WDR49: variants seen among roughly 807,000 people sequenced by gnomAD.
The protein encoded by WDR49 is cilia- and flagella-associated protein 337.
WDR49 carries 107 observed loss-of-function variants against 119.5 expected under a neutral mutation model. The observed-to-expected ratio is 0.90, with a 90% confidence interval of 0.77 to 1.05. WDR49 has a LOEUF of 1.05. Ranked by LOEUF, WDR49 falls within the 50% of genes least tolerant of loss-of-function variation. The probability of loss-of-function intolerance (pLI) is 0.00; values close to 1 mark genes in which losing one functional copy is unlikely to be tolerated. For missense variants in WDR49, 1,240 were observed against 1,220.5 expected (o/e 1.02, Z -0.24); for synonymous variants, 425 against 418.8 (o/e 1.01, Z -0.18).
Position 167,605,889 on chromosome 3 carries a change from G to C in WDR49, c.959-1421C>G, listed in dbSNP as rs77970413. Among the ~76,000 whole-genome samples the C allele has an allele frequency of 8.4e-3, 1,286 of 152,302 alleles. 90 individuals are homozygous for C. In the East Asian group the frequency reaches 0.17, roughly 21 times the overall value. On this transcript the variant is annotated intron_variant, in intron 5 of 18. Coordinates refer to ENST00000682715, the MANE Select transcript of WDR49 (RefSeq NM_001366157.1). ...CTGAAGTTCTGAGATTAACTCTTAA[G>C]TTTGGTGTCATGACATGCAATATTA...
intron 18 of WDR49, among the ~76,000 whole-genome samples, chr3:167,495,704 T>G (rs1751326979): frequency 6.6e-6 from 1 of 151,532 alleles, no homozygotes. Flanking sequence ...GAACTCCAAG[T>G]AGCATAAATA....
intron 11 of WDR49, among the ~76,000 whole-genome samples, chr3:167,534,689 T>C (rs1752963441): frequency 6.6e-6 from 1 of 152,156 alleles, no homozygotes; most frequent in African/African-American, 2.4e-5. Context: ...GCTGTCAAAA[T>C]ATGGACTTGA....
In WDR49 at chr3:167,554,751, T is replaced by C; in HGVS notation, c.1722A>G (p.Gln574=). ...GYCHHTLNVG[Q]DGAVDISQIL... is the part of the protein sequence containing the mutation. ...TTTGTGAAATATCCACAGCTCCATC[T>C]TGCCCAACATTTAGTGTATGGTGAC... The change falls in exon 10 of 19, where the codon CAA becomes CAG. Residue 574 remains glutamine, a synonymous_variant. Coordinates refer to ENST00000682715, the MANE Select transcript of WDR49 (RefSeq NM_001366157.1). The C allele has an allele frequency of 6.2e-7, 1 of 1,613,468 alleles. No homozygotes were observed. Among genetic ancestry groups the C allele is most frequent in the Non-Finnish European group, 8.5e-7 (1 of 1,179,732 alleles).
chr3:167,578,197 A>G (rs2108285819), intron 7 of WDR49, among the ~76,000 whole-genome samples: 1 of 152,082 alleles, frequency 6.6e-6, no homozygotes, highest in South Asian at 2.1e-4. Context: ...TGGCCTCTTG[A>G]TTCTCTCAAT....
intron 18 of WDR49, among the ~76,000 whole-genome samples, chr3:167,491,066 G>T (rs547770191): frequency 3.4e-4 from 52 of 152,050 alleles, no homozygotes; most frequent in African/African-American, 1.2e-3. Context: ...CCTTGCAGCT[G>T]TCCCTTTCTC....
At chr3:167,605,675 T>C (rs1247094398) in intron 5 of WDR49, among the ~76,000 whole-genome samples, 1 of 152,234 alleles carries the variant, frequency 6.6e-6, no homozygotes, top group African/African-American at 2.4e-5. Flanking sequence ...GAGACATTTG[T>C]TGAACGTTGA....
chr3:167,618,541 T>A (rs1716710267), intron 5 of WDR49, among the ~76,000 whole-genome samples: 1 of 152,182 alleles, frequency 6.6e-6, no homozygotes. Flanking sequence ...TTCAAAGAAC[T>A]GAGAAATATA....
intron 16 of WDR49, among the ~76,000 whole-genome samples, chr3:167,513,736 A>T (rs1752079735): frequency 6.6e-6 from 1 of 152,232 alleles, no homozygotes; most frequent in South Asian, 2.1e-4. Context: ...CCAGACACAC[A>T]TAGGCTCAAA....
At chr3:167,594,358 C>T (rs6801145) in intron 7 of WDR49, among the ~76,000 whole-genome samples, 53,204 of 151,976 alleles carry the variant, frequency 0.35, 11,068 homozygotes, top group African/African-American at 0.59. Flanking sequence ...TACTGGGAAC[C>T]GGAGCAAAGG....
intron 5 of WDR49, among the ~76,000 whole-genome samples, chr3:167,608,937 G>A (rs1011996779): frequency 6.6e-6 from 1 of 152,060 alleles, no homozygotes; most frequent in African/African-American, 2.4e-5. Flanking sequence ...AGACATTAAG[G>A]GACCCTGCCA....
At chr3:167,560,345 G>T in intron 8 of WDR49, 117 bp from the exon 9 acceptor site, 1 of 1,053,296 alleles carries the variant, frequency 9.5e-7, no homozygotes, top group Non-Finnish European at 1.3e-6. Context: ...AACAGTCAGA[G>T]ACATTTTTGT....
At chr3:167,572,332 TAA>T (rs1713979154) in intron 8 of WDR49, among the ~76,000 whole-genome samples, 2 of 152,254 alleles carry the variant, frequency 1.3e-5, no homozygotes, top group South Asian at 2.1e-4. Context: ...GGAAGATAAA[TAA>T]AAGTCACGGA....
intron 8 of WDR49, among the ~76,000 whole-genome samples, chr3:167,568,944 ATT>A (rs35071885): frequency 6.9e-5 from 10 of 145,382 alleles, no homozygotes; most frequent in Non-Finnish European, 1.2e-4. Context: ...ACTACAGTTA[ATT>A]TTTTTTTTTT....
At chr3:167,641,169 T>C (rs1463305865) in intron 2 of WDR49, among the ~76,000 whole-genome samples, 5 of 151,852 alleles carry the variant, frequency 3.3e-5, no homozygotes, top group African/African-American at 7.2e-5. Flanking sequence ...GGCATAAGGG[T>C]TCGAGCCAAT....
chr3:167,649,320 AG>A (rs1363337034), intron 2 of WDR49, among the ~76,000 whole-genome samples: 1 of 152,094 alleles, frequency 6.6e-6, no homozygotes, highest in African/African-American at 2.4e-5. Flanking sequence ...GTTAAAAAAA[AG>A]GTAAGAAAAG....
intron 16 of WDR49, among the ~76,000 whole-genome samples, chr3:167,518,352 A>C (rs1379976414): frequency 6.6e-6 from 1 of 151,992 alleles, no homozygotes; most frequent in Non-Finnish European, 1.5e-5. Flanking sequence ...TCCCACCAAC[A>C]GTGTAAAAGT....
At position 167,593,137 on chromosome 3, in the gene WDR49, T is replaced by C. The variant is rs560620725; in HGVS notation, c.1275+8990A>G. Among the ~76,000 whole-genome samples the C allele has an allele frequency of 2.0e-5, 3 of 152,272 alleles. 1 individual carries two copies. The highest frequency in any genetic ancestry group is 7.2e-5 in the African/African-American group (3 of 41,582). ...TAGCCTTCTTGTATTTGGACATTGA[T>C]ATGTTTCGCTAGGTTTAGGAAGTTC... On this transcript the variant is annotated intron_variant, in intron 7 of 18. Transcript: ENST00000682715.
At chr3:167,574,329 CACTG>C (rs1714117841) in intron 8 of WDR49, among the ~76,000 whole-genome samples, 1 of 152,184 alleles carries the variant, frequency 6.6e-6, no homozygotes, top group Admixed American at 6.5e-5. Flanking sequence ...GATAAGTTAT[CACTG>C]ACTGATGGGA....
At chr3:167,593,217 C>T (rs761060981) in intron 7 of WDR49, among the ~76,000 whole-genome samples, 1 of 152,096 alleles carries the variant, frequency 6.6e-6, no homozygotes. Flanking sequence ...TCAACTTCCT[C>T]TTTAAGTCCA....
Sources: allele counts gnomAD v4.1 joint callset (sites outside exome capture counted in the v4.1 genomes callset), GRCh38; gene constraint gnomAD v4.1.1; transcripts MANE v1.5; gene names NCBI Gene and HGNC (gene_info 2026-07-23, HGNC 2026-07-21).